Variants in SBF2 observed in about 807,000 individuals in gnomAD.
SBF2 encodes myotubularin-related protein 13.
Under a neutral mutation model 225.2 loss-of-function variants are expected in SBF2, and 112 were observed. That is an observed-to-expected ratio of 0.50 (90% CI 0.43 to 0.58). The LOEUF (loss-of-function observed/expected upper bound fraction) is 0.58. SBF2 is among the 20% of genes least tolerant of loss of function. The probability of loss-of-function intolerance (pLI) is 0.00; values close to 1 mark genes in which losing one functional copy is unlikely to be tolerated. For synonymous variants in SBF2, 763 were observed against 773.3 expected, an observed-to-expected ratio of 0.99 and a Z score of 0.22; for missense variants, 1,996 against 2,206.2, an observed-to-expected ratio of 0.90 and a Z score of 1.91.
intron 2 of SBF2, among the ~76,000 whole-genome samples, chr11:10,051,835 A>G (rs1331757220): frequency 6.6e-6 from 1 of 152,148 alleles, no homozygotes; most frequent in African/African-American, 2.4e-5. Context: ...ATTAAGCAAT[A>G]ATAGATTTGG....
intron 1 of SBF2, among the ~76,000 whole-genome samples, chr11:10,229,409 G>A (rs887099221): frequency 6.6e-6 from 1 of 152,110 alleles, no homozygotes; most frequent in Non-Finnish European, 1.5e-5. Flanking sequence ...TGATGTTAGG[G>A]TGTCAATTTT....
intron 2 of SBF2, among the ~76,000 whole-genome samples, chr11:10,128,134 G>A (rs1373575174): frequency 1.3e-5 from 2 of 152,152 alleles, no homozygotes; most frequent in Non-Finnish European, 2.9e-5. Context: ...AATGAAACTC[G>A]ATTTTGGTGA....
intron 6 of SBF2, among the ~76,000 whole-genome samples, chr11:10,021,456 C>CA (rs1013532352): frequency 2.7e-5 from 4 of 150,304 alleles, no homozygotes; most frequent in African/African-American, 9.8e-5. Flanking sequence ...ACAAAAAAAA[C>CA]AAAAAAACCA....
chr11:9,930,203 T>C (rs965532108), intron 16 of SBF2, among the ~76,000 whole-genome samples: 2 of 152,230 alleles, frequency 1.3e-5, no homozygotes, highest in Non-Finnish European at 2.9e-5. Flanking sequence ...TGAGCCTAGT[T>C]ATAATGATTT....
chr11:10,141,426 CCT>C (rs1490441898), intron 2 of SBF2, among the ~76,000 whole-genome samples: 2 of 152,118 alleles, frequency 1.3e-5, no homozygotes, highest in Non-Finnish European at 2.9e-5. Context: ...GCCATCTCCC[CCT>C]CTCTCTGGAA....
chr11:9,808,921 C>T lies in SBF2; in HGVS notation c.4237G>A (p.Gly1413Ser), dbSNP rs1026997126. The T allele has an allele frequency of 1.9e-6, 3 of 1,613,248 alleles. No individual in the cohort carries two copies. The African/African-American group carries it at 4.0e-5, about 22-fold the overall frequency. The stretch of plus-strand genomic sequence containing the variant: ...TTTACTTGTGCAGTGATGTCCCAGC[C>T]TTCCTCCAAACAGACCAAAACTGAG... ...GSSVLVCLEE[G>S]WDITAQVTSL... is the part of the protein sequence containing the mutation. Residue 1413 changes from glycine to serine, a missense_variant, in exon 31 of 40, where the codon GGC (glycine) becomes AGC (serine). Physicochemically the swap from Gly to Ser is moderately conservative, Grantham distance 56. Transcript: ENST00000256190.
At chr11:10,145,124 A>C in intron 2 of SBF2, among the ~76,000 whole-genome samples, 1 of 152,332 alleles carries the variant, frequency 6.6e-6, no homozygotes, top group South Asian at 2.1e-4. Flanking sequence ...CCAGGGCCTC[A>C]GTTAGGACAA....
chr11:10,060,728 T>A (rs1950409890), intron 2 of SBF2, among the ~76,000 whole-genome samples: 1 of 152,068 alleles, frequency 6.6e-6, no homozygotes. Context: ...TGGTTCAACA[T>A]ATAAAAATCT....
chr11:9,780,933 G>C (rs114041421), intron 39 of SBF2: 1 of 301,918 alleles, frequency 3.3e-6, no homozygotes, highest in East Asian at 8.3e-5. Context: ...CCTTTCTTTA[G>C]TTGGAGCCAT....
At chr11:10,188,177 G>C (rs991050361) in intron 2 of SBF2, among the ~76,000 whole-genome samples, 1 of 152,122 alleles carries the variant, frequency 6.6e-6, no homozygotes, top group Admixed American at 6.5e-5. Context: ...TAGGATAGTA[G>C]CTAAAACATA....
upstream of SBF2, among the ~76,000 whole-genome samples, chr11:10,296,230 G>A (rs1472682730): frequency 6.6e-6 from 1 of 152,048 alleles, no homozygotes; most frequent in African/African-American, 2.4e-5. Flanking sequence ...GCATCACATT[G>A]AAGTATCAAT....
rs116512341 is a variant in SBF2, at chr11:10,118,036, A to C, written c.142-75055T>G. On this transcript the variant is annotated intron_variant, in intron 2 of 39. Transcript: ENST00000256190. ...ACTTGGTTATTCACTGAAACAACTG[A>C]TCTTATTACAAAACAAGTTAAAGAA... Among the ~76,000 whole-genome samples, 893 of 152,274 alleles carry C rather than the reference A, an allele frequency of 5.9e-3. 14 individuals carry two copies. The highest frequency in any genetic ancestry group is 0.02 in the African/African-American group (812 of 41,568).
chr11:10,112,560 A>C (rs1181060084), intron 2 of SBF2, among the ~76,000 whole-genome samples: 1 of 152,228 alleles, frequency 6.6e-6, no homozygotes, highest in Non-Finnish European at 1.5e-5. Flanking sequence ...GTATGTCTTT[A>C]TCAGCAGTGT....
At chr11:10,108,485 A>G (rs934681274) in intron 2 of SBF2, among the ~76,000 whole-genome samples, 1 of 151,652 alleles carries the variant, frequency 6.6e-6, no homozygotes, top group African/African-American at 2.4e-5. Context: ...AACCTCAAAG[A>G]AGGCTGCAAA....
intron 16 of SBF2, among the ~76,000 whole-genome samples, chr11:9,912,457 T>C (rs201052392): frequency 2.0e-5 from 3 of 150,624 alleles, no homozygotes; most frequent in Non-Finnish European, 4.5e-5. Context: ...TAGTGGCAGG[T>C]GCCTGTAGTC....
At chr11:10,269,195 T>C (rs1482793256) in intron 1 of SBF2, among the ~76,000 whole-genome samples, 1 of 152,234 alleles carries the variant, frequency 6.6e-6, no homozygotes, top group Non-Finnish European at 1.5e-5. Flanking sequence ...GCTATGTCTG[T>C]CTTTTCATTT....
chr11:10,077,433 T>G lies in SBF2; in HGVS notation c.142-34452A>C, dbSNP rs142449673. 3.8e-3 allele frequency among the ~76,000 whole-genome samples: 573 copies of G among 152,236 alleles called. 3 individuals carry two copies. Among genetic ancestry groups the G allele is most frequent in the Middle Eastern group, 0.027 (8 of 294 alleles). On this transcript the variant is annotated intron_variant, in intron 2 of 39. Transcript: ENST00000256190. Reference sequence around the variant, plus strand: ...CAAGGCTACAGTAACCAAAATAATATGGTACTGGTACCAAACCACATCTAT... The same window carrying G: ...CAAGGCTACAGTAACCAAAATAATAGGGTACTGGTACCAAACCACATCTAT...
chr11:9,843,481 CT>C lies in SBF2; in HGVS notation c.3111-712del, dbSNP rs774172312. Among the ~76,000 whole-genome samples, 4 of 152,324 alleles carry C rather than the reference CT, an allele frequency of 2.6e-5. No homozygotes were observed. In the South Asian group the frequency reaches 6.2e-4, roughly 24 times the overall value. ...TATTCAAACAATTTAACCCTTCTTG[CT>C]GACAGAAAATCTAGGCAATCCAGAG... is the stretch of plus-strand genomic sequence containing the variant. On this transcript the variant is annotated intron_variant, in intron 24 of 39. Transcript: ENST00000256190.
Position 9,852,714 on chromosome 11 carries a change from C to T in SBF2, c.2572G>A (p.Val858Ile). 1 of 1,613,538 alleles carries T rather than the reference C, an allele frequency of 6.2e-7. No individual in the cohort carries two copies. The highest frequency in any genetic ancestry group is 1.3e-5 in the African/African-American group (1 of 75,022). ...VAMHIETLEA[V>I]HRESRRLPPI... ...GGAAGTCTTCTGCTTTCTCGATGTACTGCTTCTAGGGTCTCAATGTGCATA... is the reference window on the plus strand; with the variant it reads ...GGAAGTCTTCTGCTTTCTCGATGTATTGCTTCTAGGGTCTCAATGTGCATA... Residue 858 changes from valine (V) to isoleucine (I), a missense_variant, in exon 21 of 40, where the codon GTA becomes ATA. By Grantham distance (29) the Val-to-Ile change is conservative. Transcript: ENST00000256190.
Sources: gnomAD v4.1 joint callset for allele counts (sites outside exome capture counted in the v4.1 genomes callset) on GRCh38, gnomAD v4.1.1 for gene constraint, MANE v1.5 for transcripts, NCBI Gene and HGNC (gene_info 2026-07-23, HGNC 2026-07-21) for gene names.